LARS2: variants seen among roughly 807,000 people sequenced by gnomAD.
LARS2 encodes the protein leucine--tRNA ligase, mitochondrial.
In LARS2, 81 loss-of-function variants were observed where a neutral mutation model predicts 116.6. The observed-to-expected ratio is 0.69, with a 90% confidence interval of 0.58 to 0.84. The LOEUF (loss-of-function observed/expected upper bound fraction) is 0.84. LARS2 is among the 40% of genes least tolerant of loss of function. The pLI, the probability that LARS2 is intolerant of heterozygous loss-of-function variation, is 0.00. For missense variants in LARS2, 968 were observed against 1,114.5 expected (o/e 0.87, Z 1.87); for synonymous variants, 396 against 407.2 (o/e 0.97, Z 0.33).
At chr3:45,430,314 T>C (rs1460968598) in intron 6 of LARS2, among the ~76,000 whole-genome samples, 1 of 145,926 alleles carries the variant, frequency 6.9e-6, no homozygotes, top group African/African-American at 2.6e-5. Context: ...AGTCTGGCTC[T>C]GTCGCCCAGG....
chr3:45,447,043 T>A, intron 7 of LARS2, 63 bp downstream of exon 7: 2 of 986,178 alleles, frequency 2.0e-6, no homozygotes, highest in Non-Finnish European at 3.1e-6. Context: ...ATCATTGTAG[T>A]AGCAGCGAAA....
intron 5 of LARS2, among the ~76,000 whole-genome samples, chr3:45,419,016 A>G (rs902342505): frequency 2.0e-5 from 3 of 152,246 alleles, no homozygotes; most frequent in African/African-American, 7.2e-5. Context: ...GAGATTATAC[A>G]GAAGATTTTT....
At chr3:45,393,931 T>C (rs1698001664) in intron 2 of LARS2, among the ~76,000 whole-genome samples, 1 of 152,264 alleles carries the variant, frequency 6.6e-6, no homozygotes, top group African/African-American at 2.4e-5. Flanking sequence ...CTACAGGGTA[T>C]ATTTAACTCA....
At chr3:45,431,080 G>A (rs533275674) in intron 6 of LARS2, among the ~76,000 whole-genome samples, 33 of 152,020 alleles carry the variant, frequency 2.2e-4, no homozygotes, top group Non-Finnish European at 2.9e-4. Context: ...TAGCCCTCCC[G>A]CCGAGTCCGT....
chr3:45,515,999 T>C (rs1575307393), intron 16 of LARS2, 95 bp from the exon 17 acceptor site: 16 of 908,740 alleles, frequency 1.8e-5, no homozygotes, highest in Non-Finnish European at 2.7e-5. Context: ...ATGGACACTT[T>C]CCATCGCTCA....
Position 45,549,142 on chromosome 3 carries a change from G to A in LARS2, c.*1612G>A, listed in dbSNP as rs1700913138. ...GTCCATGGTGTGGCTTGAACACCAG[G>A]AATCTTTAAAACTCCACAAGTGATT... On this transcript the variant is annotated 3_prime_UTR_variant, in exon 22 of 22. Coordinates refer to ENST00000645846, the MANE Select transcript of LARS2 (RefSeq NM_015340.4). 1 of 152,220 alleles carries A rather than the reference G, an allele frequency of 6.6e-6. No individual in the cohort carries two copies. 9.4% of individuals were successfully genotyped at this position (152,220 alleles called of 1,614,324 possible). A position where few individuals can be genotyped will look rare whatever the true frequency, so the allele number is the denominator to read the frequency against.
intron 4 of LARS2, among the ~76,000 whole-genome samples, chr3:45,403,112 C>CAAAAAAAAAAAA (rs1160287597): frequency 3.5e-5 from 3 of 85,398 alleles, no homozygotes; most frequent in Non-Finnish European, 6.2e-5. Context: ...TCTCCAAAGA[C>CAAAAAAAAAAAA]AAAAAAAAAA....
rs1553634443 is a variant in LARS2, at chr3:45,484,630, A to AAAAATAT, written c.1019-1061_1019-1060insAAATATA. On this transcript the variant is annotated intron_variant, in intron 10 of 21. Coordinates refer to ENST00000645846, the MANE Select transcript of LARS2 (RefSeq NM_015340.4). ...AAAAAAAAAAAAAAAAAAAAAAAAA[A>AAAAATAT]ATATATATATATATATATTTAAAAT... Among the ~76,000 whole-genome samples, 59 of 9,742 alleles carry AAAAATAT rather than the reference A, an allele frequency of 6.1e-3. 8 individuals carry two copies. The highest frequency in any genetic ancestry group is 0.01 in the African/African-American group (58 of 5,632). The allele number at this position is 9,742 out of a possible 152,430, so 6.4% of individuals were successfully genotyped here.
intron 10 of LARS2, among the ~76,000 whole-genome samples, chr3:45,480,979 C>T (rs1050874457): frequency 1.3e-5 from 2 of 152,274 alleles, no homozygotes; most frequent in Admixed American, 6.5e-5. Flanking sequence ...ACCATCCCCA[C>T]AGTCAATTTT....
At chr3:45,469,969 A>T (rs971412802) in intron 8 of LARS2, among the ~76,000 whole-genome samples, 10 of 152,192 alleles carry the variant, frequency 6.6e-5, no homozygotes, top group African/African-American at 2.4e-4. Context: ...TTTTAATTAG[A>T]TGTTGTTGTT....
At chr3:45,426,427 G>A (rs1698595950) in intron 6 of LARS2, among the ~76,000 whole-genome samples, 1 of 152,196 alleles carries the variant, frequency 6.6e-6, no homozygotes, top group Admixed American at 6.5e-5. Flanking sequence ...TTGTCTAGCA[G>A]ATCTCCGGCT....
intron 8 of LARS2, among the ~76,000 whole-genome samples, chr3:45,473,454 G>A (rs1168870256): frequency 3.3e-5 from 5 of 151,102 alleles, no homozygotes; most frequent in African/African-American, 1.2e-4. Flanking sequence ...GTGTAATCTC[G>A]GCTCACTGCA....
In LARS2 at chr3:45,397,069, ATCTT is replaced by A. The variant is rs531035235; in HGVS notation, c.234+2387_234+2390del. On this transcript the variant is annotated intron_variant, in intron 3 of 21. Transcript: ENST00000645846. ...CGTGATCTATAAAGAGGCAGAAGTC[ATCTT>A]TCTTCTAAAGTCAGAAGCTGACAAA... 3.0e-3 allele frequency among the ~76,000 whole-genome samples: 455 copies of A among 152,364 alleles called. 3 individuals are homozygous for A. The highest frequency in any genetic ancestry group is 0.01 in the African/African-American group (428 of 41,586).
At chr3:45,539,661 C>T (rs189268667) in intron 20 of LARS2, among the ~76,000 whole-genome samples, 10 of 152,086 alleles carry the variant, frequency 6.6e-5, no homozygotes, top group African/African-American at 2.2e-4. Context: ...ATTACCCATA[C>T]TTCTACTCCC....
chr3:45,448,474 G>C (rs932149730), intron 7 of LARS2, among the ~76,000 whole-genome samples: 1 of 152,154 alleles, frequency 6.6e-6, no homozygotes, highest in East Asian at 1.9e-4. Context: ...CCCTAACCCA[G>C]TAGCGCTAGA....
chr3:45,446,319 G>A (rs1699017651), intron 6 of LARS2, among the ~76,000 whole-genome samples: 1 of 152,042 alleles, frequency 6.6e-6, no homozygotes, highest in Admixed American at 6.5e-5. Context: ...TAAACCAAGT[G>A]GTTTCTTACT....
At chr3:45,511,771 A>ATTTTTT (rs67171643) in intron 15 of LARS2, among the ~76,000 whole-genome samples, 3 of 86,620 alleles carry the variant, frequency 3.5e-5, no homozygotes, top group African/African-American at 4.4e-5. Flanking sequence ...AATGCTGCTG[A>ATTTTTT]TTTTTTTTTT....
intron 6 of LARS2, 49 bp downstream of exon 6, chr3:45,419,778 G>A (rs760587030): frequency 4.2e-6 from 6 of 1,428,558 alleles, no homozygotes; most frequent in Non-Finnish European, 5.9e-6. Flanking sequence ...GGAAGGACTT[G>A]ATGGCAGGGA....
chr3:45,542,052 T>C, intron 21 of LARS2, 96 bp downstream of exon 21: 1 of 1,483,694 alleles, frequency 6.7e-7, no homozygotes, highest in Non-Finnish European at 9.2e-7. Flanking sequence ...TTAGCAGGCC[T>C]TTCTAGCTCA....
Sources: gnomAD v4.1 joint callset for allele counts (sites outside exome capture counted in the v4.1 genomes callset) on GRCh38, gnomAD v4.1.1 for gene constraint, MANE v1.5 for transcripts, NCBI Gene and HGNC (gene_info 2026-07-23, HGNC 2026-07-21) for gene names.